The following PDE11A variants were observed in gnomAD, a reference collection of about 807,000 sequenced individuals.
PDE11A encodes the protein phosphodiesterase 11A.
PDE11A carries 100 observed loss-of-function variants against 100.5 expected under a neutral mutation model. That is an observed-to-expected ratio of 1.00 (90% CI 0.85 to 1.18). The LOEUF (loss-of-function observed/expected upper bound fraction) is 1.18. Among genes scored for constraint, PDE11A ranks in the 50% most tolerant of loss-of-function variants. PDE11A has a pLI of 0.00. For synonymous variants in PDE11A, 381 were observed against 420.8 expected (o/e 0.91, Z 1.16); for missense variants, 1,141 against 1,152.6 (o/e 0.99, Z 0.15).
At chr2:177,634,693 A>G (rs1312211337) in intron 19 of PDE11A, among the ~76,000 whole-genome samples, 5 of 152,126 alleles carry the variant, frequency 3.3e-5, no homozygotes, top group Non-Finnish European at 7.4e-5. Context: ...CGGCCGACTT[A>G]TTCTTACACT....
chr2:177,968,910 A>T (rs1460172557), intron 2 of PDE11A, among the ~76,000 whole-genome samples: 1 of 152,232 alleles, frequency 6.6e-6, no homozygotes, highest in East Asian at 1.9e-4. Context: ...TGGCAATCCC[A>T]TTACTGGGTA....
At chr2:177,870,318 T>A (rs1053937896) in intron 5 of PDE11A, among the ~76,000 whole-genome samples, 1 of 152,260 alleles carries the variant, frequency 6.6e-6, no homozygotes, top group African/African-American at 2.4e-5. Flanking sequence ...TAACTTTTCA[T>A]TTCAATGCCA....
intron 2 of PDE11A, among the ~76,000 whole-genome samples, chr2:177,913,117 C>G (rs955828492): frequency 6.6e-6 from 1 of 151,982 alleles, no homozygotes; most frequent in African/African-American, 2.4e-5. Flanking sequence ...ATAAAATATA[C>G]CTCAAGAAAG....
intron 3 of PDE11A, among the ~76,000 whole-genome samples, 160 bp from the exon 4 acceptor site, chr2:177,898,358 C>A (rs2084644853): frequency 6.6e-6 from 1 of 152,214 alleles, no homozygotes; most frequent in Non-Finnish European, 1.5e-5. Flanking sequence ...TTTTATCTCT[C>A]AATTTTAGAA....
At chr2:177,839,987 C>T (rs749845183) in intron 6 of PDE11A, among the ~76,000 whole-genome samples, 4 of 152,164 alleles carry the variant, frequency 2.6e-5, no homozygotes, top group Admixed American at 2.0e-4. Flanking sequence ...GTTATATACA[C>T]TTTTCATTAA....
At chr2:177,640,524 A>G (rs1205721653) in intron 19 of PDE11A, among the ~76,000 whole-genome samples, 1 of 152,230 alleles carries the variant, frequency 6.6e-6, no homozygotes, top group Non-Finnish European at 1.5e-5. Context: ...CTTCCTGTTC[A>G]AGGTGTATGA....
rs555985563 is a variant in PDE11A at position 177,865,281 on chromosome 2, C to T, written c.1367+10578G>A. 6.6e-5 allele frequency among the ~76,000 whole-genome samples: 10 copies of T among 152,186 alleles called. No homozygotes were observed. The South Asian group carries it at 1.9e-3, about 28-fold the overall frequency. On this transcript the variant is annotated intron_variant, in intron 5 of 19. Transcript: ENST00000286063. ...CAACAGAGTGAGACTCCATCCCCTG[C>T]ATCCCCCAAAAAAACAAAAACCACA... is the stretch of plus-strand genomic sequence containing the variant.
intron 1 of PDE11A, among the ~76,000 whole-genome samples, chr2:178,023,263 A>T (rs962163739): frequency 6.6e-6 from 1 of 152,168 alleles, no homozygotes; most frequent in Non-Finnish European, 1.5e-5. Context: ...CTCAGCTTTC[A>T]TGTCTTTGAG....
chr2:178,062,023 C>G (rs927973284), intron 1 of PDE11A, among the ~76,000 whole-genome samples: 3 of 152,150 alleles, frequency 2.0e-5, no homozygotes, highest in Admixed American at 6.5e-5. Flanking sequence ...AAACTCCTTT[C>G]TATCTATTCA....
intron 10 of PDE11A, among the ~76,000 whole-genome samples, chr2:177,751,650 G>GA (rs1477090425): frequency 6.6e-6 from 1 of 152,056 alleles, no homozygotes; most frequent in African/African-American, 2.4e-5. Flanking sequence ...AGTTTTACTG[G>GA]AAGAGAAAAC....
intron 15 of PDE11A, among the ~76,000 whole-genome samples, chr2:177,681,366 T>A (rs2080860951): frequency 6.6e-6 from 1 of 152,210 alleles, no homozygotes; most frequent in South Asian, 2.1e-4. Flanking sequence ...TTTTTCCAGG[T>A]TAGAAAATAA....
chr2:178,031,918 A>G (rs1479979881), intron 1 of PDE11A, among the ~76,000 whole-genome samples: 1 of 152,172 alleles, frequency 6.6e-6, no homozygotes, highest in Non-Finnish European at 1.5e-5. Flanking sequence ...TCACCCTACT[A>G]GATATTAATA....
intron 10 of PDE11A, among the ~76,000 whole-genome samples, chr2:177,753,595 A>C (rs2082052134): frequency 6.6e-6 from 1 of 151,714 alleles, no homozygotes; most frequent in African/African-American, 2.4e-5. Context: ...AAGATAATTC[A>C]CAGGATCAGT....
At chr2:177,864,765 G>A (rs1435652486) in intron 5 of PDE11A, among the ~76,000 whole-genome samples, 1 of 152,148 alleles carries the variant, frequency 6.6e-6, no homozygotes, top group Non-Finnish European at 1.5e-5. Flanking sequence ...GTTTTGGGGT[G>A]ACTAATGGAT....
At chr2:178,022,344 C>T (rs996631478) in intron 1 of PDE11A, among the ~76,000 whole-genome samples, 4 of 152,104 alleles carry the variant, frequency 2.6e-5, no homozygotes, top group Non-Finnish European at 4.4e-5. Flanking sequence ...GAGTGAGGAA[C>T]GCAGTAAGGA....
chr2:178,014,569 T>A, intron 1 of PDE11A, 109 bp from the exon 2 acceptor site: 1 of 823,444 alleles, frequency 1.2e-6, no homozygotes, highest in East Asian at 2.7e-5. Flanking sequence ...ACTAGCCCCA[T>A]GAATTTTTAA....
At chr2:177,863,916 G>C (rs138740111) in intron 5 of PDE11A, among the ~76,000 whole-genome samples, 2 of 151,946 alleles carry the variant, frequency 1.3e-5, no homozygotes, top group Non-Finnish European at 2.9e-5. Flanking sequence ...TTATTCACAA[G>C]AGCAAACATA....
intron 10 of PDE11A, among the ~76,000 whole-genome samples, chr2:177,743,187 CA>C (rs1432845967): frequency 1.3e-5 from 2 of 152,106 alleles, no homozygotes; most frequent in Admixed American, 6.5e-5. Context: ...TTACAGAAAC[CA>C]GGGGTGAAAC....
At chr2:177,996,457 A>G (rs1180543777) in intron 2 of PDE11A, among the ~76,000 whole-genome samples, 3 of 122,658 alleles carry the variant, frequency 2.4e-5, no homozygotes, top group Admixed American at 2.3e-4. Context: ...GTTTCACAGC[A>G]TACATATATA....
Sources: gnomAD v4.1 joint callset for allele counts (sites outside exome capture counted in the v4.1 genomes callset) on GRCh38, gnomAD v4.1.1 for gene constraint, MANE v1.5 for transcripts, NCBI Gene and HGNC (gene_info 2026-07-23, HGNC 2026-07-21) for gene names.